The following VPS13C variants were observed in gnomAD, a reference collection of about 807,000 sequenced individuals.
VPS13C encodes the protein vacuolar protein sorting 13 homolog C.
Under a neutral mutation model 456.8 loss-of-function variants are expected in VPS13C, and 358 were observed. The ratio of observed to expected loss-of-function variants is 0.78; its 90% CI spans 0.72 to 0.86. The LOEUF (loss-of-function observed/expected upper bound fraction) is 0.86, where lower values mean the gene tolerates loss of function less well. Ranked by LOEUF, VPS13C falls within the 40% of genes least tolerant of loss-of-function variation. VPS13C has a pLI of 0.00. For synonymous variants in VPS13C, 1,578 were observed against 1,486.7 expected, an observed-to-expected ratio of 1.06 and a Z score of -1.41; for missense variants, 4,818 against 4,385.4, an observed-to-expected ratio of 1.10 and a Z score of -2.79.
At chr15:62,034,369 G>A (rs936571987) in intron 4 of VPS13C, among the ~76,000 whole-genome samples, 2 of 151,562 alleles carry the variant, frequency 1.3e-5, no homozygotes, top group African/African-American at 2.4e-5. Context: ...TTAAGAAATT[G>A]TAAGTAATTT....
At chr15:61,884,380 T>C in intron 67 of VPS13C, 111 bp from the exon 68 acceptor site, 1 of 1,129,248 alleles carries the variant, frequency 8.9e-7, no homozygotes, top group Non-Finnish European at 1.2e-6. Context: ...ATTACATTGG[T>C]ATAAGGGACT....
At chr15:61,963,255 T>TA (rs1266512970) in intron 32 of VPS13C, among the ~76,000 whole-genome samples, 4 of 152,038 alleles carry the variant, frequency 2.6e-5, no homozygotes, top group African/African-American at 9.7e-5. Context: ...TTTAAGTTCT[T>TA]AAAAAATTTC....
intron 17 of VPS13C, among the ~76,000 whole-genome samples, chr15:61,991,467 CA>C (rs1371546224): frequency 2.0e-5 from 3 of 151,896 alleles, no homozygotes; most frequent in African/African-American, 4.8e-5. Context: ...ATTTCACAAA[CA>C]AAAAAATCAA....
At chr15:61,864,027 G>C (rs983556712) in intron 81 of VPS13C, 1 of 152,238 alleles carries the variant, frequency 6.6e-6, no homozygotes, top group Non-Finnish European at 1.5e-5. Context: ...TCACAGAGGG[G>C]GGTCTGTGAT....
At chr15:61,924,641 A>G (rs2140196898) in intron 53 of VPS13C, among the ~76,000 whole-genome samples, 1 of 152,362 alleles carries the variant, frequency 6.6e-6, no homozygotes, top group Middle Eastern at 3.4e-3. Context: ...TTTTAAAAGT[A>G]AATCCATTAA....
In VPS13C at chr15:62,012,093, T is replaced by A; in HGVS notation, c.883+14A>T. The stretch of plus-strand genomic sequence containing the variant: ...TCTTCCTATAACATGAAATAAACTT[T>A]TACTATTACTTACTGTATTGATAAT... On this transcript the variant is annotated intron_variant, in intron 12 of 84. Transcript: ENST00000644861. The A allele has an allele frequency of 7.2e-7, 1 of 1,393,918 alleles. No individual in the cohort carries two copies. The highest frequency in any genetic ancestry group is 1.2e-5 in the South Asian group (1 of 83,086). The allele number at this position is 1,393,918 out of a possible 1,614,324, so 86.3% of individuals were successfully genotyped here. A position where few individuals can be genotyped will look rare whatever the true frequency, so the allele number is the denominator to read the frequency against.
At chr15:62,008,347 C>T (rs573243764) in intron 14 of VPS13C, among the ~76,000 whole-genome samples, 2 of 151,928 alleles carry the variant, frequency 1.3e-5, no homozygotes, top group Non-Finnish European at 1.5e-5. Context: ...TTGCAGTGAG[C>T]CAAGATCACA....
intron 63 of VPS13C, among the ~76,000 whole-genome samples, chr15:61,910,808 T>C (rs974423180): frequency 1.3e-5 from 2 of 152,152 alleles, no homozygotes; most frequent in Non-Finnish European, 2.9e-5. Flanking sequence ...CTTACTTCTT[T>C]GAGCCTCAGT....
At chr15:61,934,381 TA>T in intron 48 of VPS13C, 50 bp from the exon 49 acceptor site, 1 of 958,538 alleles carries the variant, frequency 1.0e-6, no homozygotes, top group Non-Finnish European at 1.5e-6. Flanking sequence ...ATTTTATAAA[TA>T]TTTTTAAATA....
chr15:61,875,762 T>G lies in VPS13C; in HGVS notation c.10308A>C (p.Gly3436=), dbSNP rs756392052. The stretch of plus-strand genomic sequence containing the variant: ...AGGGTTCATAGAATAAAGCTTCAAC[T>G]CCTTCAGACAGACCTCTAATTAATC... The part of the protein sequence containing the change: ...PFGLIRGLSE[G]VEALFYEPFQ... Residue 3436 remains glycine (G), a synonymous_variant, in exon 76 of 85, where the codon GGA becomes GGC. Coordinates refer to ENST00000644861, the MANE Select transcript of VPS13C (RefSeq NM_020821.3). 8 of 1,611,084 alleles carry G rather than the reference T, an allele frequency of 5.0e-6. No homozygotes were observed. In the South Asian group the frequency reaches 7.7e-5, roughly 16 times the overall value.
intron 15 of VPS13C, among the ~76,000 whole-genome samples, chr15:62,005,906 G>A (rs930372292): frequency 3.3e-5 from 5 of 150,536 alleles, no homozygotes; most frequent in East Asian, 2.0e-4. Context: ...GTTTCATCAC[G>A]TTGGCCAGGC....
intron 78 of VPS13C, 65 bp downstream of exon 78, chr15:61,873,181 A>G: frequency 6.3e-7 from 1 of 1,594,440 alleles, no homozygotes; most frequent in Non-Finnish European, 8.5e-7. Flanking sequence ...TAAGTTTCAC[A>G]CAACCAGCTA....
In VPS13C at chr15:61,966,100, T is replaced by C; in HGVS notation, c.3034A>G (p.Thr1012Ala). The C allele has an allele frequency of 1.9e-6, 3 of 1,604,000 alleles. No homozygotes were observed. The highest frequency in any genetic ancestry group is 2.6e-6 in the Non-Finnish European group (3 of 1,174,542). ...GPSFQTAFGK[T>A]EQTVKVAFSS... ...TTTCTTACCTTAACTGTTTGTTCAG[T>C]TTTTCCAAAAGCAGTTTGAAAACTA... The change falls in exon 30 of 85, where the codon ACT (threonine) becomes GCT (alanine). Residue 1012 changes from threonine (T) to alanine (A), a missense_variant. By Grantham distance (58) the Thr-to-Ala change is moderately conservative. Transcript: ENST00000644861.
At position 61,940,696 on chromosome 15, in the gene VPS13C, T is replaced by C; in HGVS notation, c.5552A>G (p.Tyr1851Cys). ...TATCTCCATCCCTGGAATTTGCACA[T>C]ACCATGCTGCTGCTAAGTTTCGCTG... ...SIQRNLAAAW[Y>C]VQIPGMEIKG... Residue 1851 changes from tyrosine (Y) to cysteine (C), a missense_variant, in exon 47 of 85, where the codon TAT (tyrosine) becomes TGT (cysteine). By Grantham distance (194) the Tyr-to-Cys change is radical (BLOSUM62 -2). Coordinates refer to ENST00000644861, the MANE Select transcript of VPS13C (RefSeq NM_020821.3). 6.2e-7 allele frequency: 1 copy of C among 1,613,826 alleles called. No individual in the cohort carries two copies.
chr15:62,000,656 G>T (rs574366260), intron 15 of VPS13C, 30 bp from the exon 16 acceptor site: 1 of 1,565,872 alleles, frequency 6.4e-7, no homozygotes, highest in Non-Finnish European at 8.6e-7. Flanking sequence ...TTATAAACAA[G>T]AAATTTAATC....
At position 61,929,557 on chromosome 15, in the gene VPS13C, T is replaced by C; in HGVS notation, c.6230A>G (p.Lys2077Arg). 5 of 1,614,140 alleles carry C rather than the reference T, an allele frequency of 3.1e-6. No individual in the cohort carries two copies. Among genetic ancestry groups the C allele is most frequent in the Non-Finnish European group, 4.2e-6 (5 of 1,180,002 alleles). The change falls in exon 51 of 85, where the codon AAA becomes AGA. Residue 2077 changes from lysine (K) to arginine (R), a missense_variant. Lys to Arg is a conservative substitution (Grantham distance 26, BLOSUM62 2). This residue lies in a region of VPS13C where 4,552 missense variants were observed against 4,130.6 expected (regional missense o/e 1.10). Transcript: ENST00000644861. The stretch of plus-strand genomic sequence containing the variant: ...CTGTCTTGGTAAAATCTGTGTTTCT[T>C]TTGCCACATTTTCTGGACTCTGAGG... ...AVPQSPENVA[K>R]ETQILPRQTA...
intron 15 of VPS13C, 72 bp downstream of exon 15, chr15:62,007,235 CA>C: frequency 8.9e-7 from 1 of 1,125,550 alleles, no homozygotes; most frequent in Non-Finnish European, 1.2e-6. Flanking sequence ...TTTTTTGATT[CA>C]AATTACATGC....
intron 5 of VPS13C, among the ~76,000 whole-genome samples, chr15:62,032,483 T>C (rs1036982133): frequency 2.6e-5 from 4 of 151,764 alleles, no homozygotes; most frequent in African/African-American, 9.7e-5. Flanking sequence ...TAGTAACTTT[T>C]AATAAAAGAA....
intron 66 of VPS13C, among the ~76,000 whole-genome samples, chr15:61,896,200 G>A (rs1170423019): frequency 6.6e-6 from 1 of 152,168 alleles, no homozygotes; most frequent in Non-Finnish European, 1.5e-5. Flanking sequence ...TGGCTTCACT[G>A]CTGAATTCTA....
Sources: allele counts gnomAD v4.1 joint callset (sites outside exome capture counted in the v4.1 genomes callset), GRCh38; gene constraint gnomAD v4.1.1; regional missense constraint gnomAD v4.1.1; transcripts MANE v1.5; gene names NCBI Gene and HGNC (gene_info 2026-07-23, HGNC 2026-07-21).